The following MEIOB variants were observed in gnomAD, a reference collection of about 807,000 sequenced individuals.
MEIOB encodes the protein meiosis-specific with OB domain-containing protein.
A neutral mutation model predicts 53.1 loss-of-function variants in MEIOB; 50 were observed. The ratio of observed to expected loss-of-function variants is 0.94; its 90% confidence interval spans 0.75 to 1.19. The LOEUF is 1.19. MEIOB is among the 50% of genes most tolerant of loss of function. The pLI is 0.00. For missense variants in MEIOB, 551 were observed against 550.8 expected, an observed-to-expected ratio of 1.00 and a Z score of 0.00; for synonymous variants, 192 against 182.5, an observed-to-expected ratio of 1.05 and a Z score of -0.42.
At chr16:1,842,237 A>T (rs1442361344) in intron 10 of MEIOB, among the ~76,000 whole-genome samples, 1 of 152,182 alleles carries the variant, frequency 6.6e-6, no homozygotes, top group Non-Finnish European at 1.5e-5. Context: ...GGCAAGCCAC[A>T]GAGTGGGAGA....
intron 9 of MEIOB, among the ~76,000 whole-genome samples, chr16:1,850,482 A>C (rs1339677557): frequency 6.6e-6 from 1 of 152,118 alleles, no homozygotes; most frequent in South Asian, 2.1e-4. Context: ...AGGCTGGAAC[A>C]GGAGAATCGC....
chr16:1,865,947 G>A (rs1489537823), intron 2 of MEIOB, 112 bp from the exon 3 acceptor site: 1 of 672,136 alleles, frequency 1.5e-6, no homozygotes, highest in African/African-American at 1.8e-5. Context: ...TTCTGACTAG[G>A]AACCATTTAA....
At chr16:1,865,945 A>G in intron 2 of MEIOB, 110 bp from the exon 3 acceptor site, 1 of 681,846 alleles carries the variant, frequency 1.5e-6, no homozygotes, top group East Asian at 2.8e-5. Context: ...ATTTCTGACT[A>G]GGAACCATTT....
At chr16:1,838,546 G>A (rs542543822) in intron 12 of MEIOB, among the ~76,000 whole-genome samples, 9 of 152,252 alleles carry the variant, frequency 5.9e-5, no homozygotes, top group East Asian at 1.9e-4. Context: ...AGGAGAAAAC[G>A]TGTAGCTGAC....
chr16:1,859,538 C>T (rs552866343), intron 5 of MEIOB, among the ~76,000 whole-genome samples: 11 of 152,134 alleles, frequency 7.2e-5, no homozygotes, highest in African/African-American at 2.7e-4. Context: ...GGGACTCTGT[C>T]TCAGTAAAAA....
chr16:1,856,757 GC>G lies in MEIOB; in HGVS notation c.528+977del, dbSNP rs1192943550. On this transcript the variant is annotated intron_variant, in intron 6 of 13. Transcript: ENST00000325962. ...TTACAGGCATGAGCCACCACGCCAG[GC>G]CTTTTTTTTTTTTTTTTTTTTTTGA... Among the ~76,000 whole-genome samples the G allele has an allele frequency of 6.2e-5, 7 of 113,608 alleles. 1 individual carries two copies. The highest frequency in any genetic ancestry group is 2.2e-4 in the Admixed American group (2 of 9,266). 74.5% of individuals were successfully genotyped at this position (113,608 alleles called of 152,430 possible). A position where few individuals can be genotyped will look rare whatever the true frequency, so the allele number is the denominator to read the frequency against.
chr16:1,869,446 C>G (rs532042693), intron 1 of MEIOB, among the ~76,000 whole-genome samples: 1 of 151,412 alleles, frequency 6.6e-6, no homozygotes, highest in South Asian at 2.1e-4. Flanking sequence ...CAAGATGATT[C>G]AATAGGACAT....
At chr16:1,844,410 TA>T (rs1220497189) in intron 10 of MEIOB, among the ~76,000 whole-genome samples, 1 of 151,694 alleles carries the variant, frequency 6.6e-6, no homozygotes, top group African/African-American at 2.4e-5. Context: ...AGGCGTGAGC[TA>T]CCACACCTGG....
At position 1,863,529 on chromosome 16, in the gene MEIOB, G is replaced by A. The variant is rs978030190; in HGVS notation, c.128-1413C>T. On this transcript the variant is annotated intron_variant, in intron 3 of 13. Coordinates refer to ENST00000325962, the MANE Select transcript of MEIOB (RefSeq NM_001163560.3). ...ACCCTCCCAAGTAGCTGGGACTACAGGCGCCTGCCACCATGCCTGGCTAAT... is the reference window on the plus strand; with the variant it reads ...ACCCTCCCAAGTAGCTGGGACTACAAGCGCCTGCCACCATGCCTGGCTAAT... Among the ~76,000 whole-genome samples the A allele has an allele frequency of 2.5e-4, 38 of 151,916 alleles. 1 individual carries two copies. Among genetic ancestry groups the A allele is most frequent in the Non-Finnish European group, 1.5e-4 (10 of 67,976 alleles).
At chr16:1,859,496 G>A (rs545985423) in intron 5 of MEIOB, among the ~76,000 whole-genome samples, 26 of 152,260 alleles carry the variant, frequency 1.7e-4, no homozygotes, top group African/African-American at 4.6e-4. Context: ...AGCCGAGATC[G>A]TGCCACTGCA....
intron 9 of MEIOB, among the ~76,000 whole-genome samples, chr16:1,852,546 C>A (rs1899199464): frequency 6.6e-6 from 1 of 151,326 alleles, no homozygotes. Context: ...CAGGTGTGAG[C>A]CACCGCGCCA....
intron 3 of MEIOB, among the ~76,000 whole-genome samples, chr16:1,865,032 T>G (rs1899548667): frequency 6.6e-6 from 1 of 152,172 alleles, no homozygotes; most frequent in African/African-American, 2.4e-5. Context: ...GCCTGTAATC[T>G]GATCACTCTA....
chr16:1,862,677 T>C (rs895064681), intron 3 of MEIOB, among the ~76,000 whole-genome samples: 2 of 151,858 alleles, frequency 1.3e-5, no homozygotes, highest in Non-Finnish European at 2.9e-5. Context: ...TCCTAACACT[T>C]TGGGAGCCCG....
chr16:1,854,153 CT>C lies in MEIOB; in HGVS notation c.575del (p.Gln192ArgfsTer17). The C allele has an allele frequency of 6.4e-7, 1 of 1,551,194 alleles. No homozygotes were observed. Among genetic ancestry groups the C allele is most frequent in the Non-Finnish European group, 8.7e-7 (1 of 1,146,742 alleles). On this transcript the variant is annotated frameshift_variant, in exon 7 of 14. Coordinates refer to ENST00000325962, the MANE Select transcript of MEIOB (RefSeq NM_001163560.3). LOFTEE classifies it high-confidence loss of function. ...CATCATAGAGTCTAACTTCACACCT[CT>C]GGCCTTTTCTCCGGTCTGAAGTTGT... ...YFTTSDRRKG[Q>X]RCEVRLYDET...
At chr16:1,852,888 T>C (rs1617255) in intron 9 of MEIOB, 151 bp downstream of exon 9, 476,917 of 575,030 alleles carry the variant, frequency 0.83, 198,181 homozygotes, top group Middle Eastern at 0.88. Flanking sequence ...TCAAAGTTCA[T>C]TGTAAGTTTT....
At chr16:1,868,304 C>T in intron 1 of MEIOB, 120 bp from the exon 2 acceptor site, 1 of 506,494 alleles carries the variant, frequency 2.0e-6, no homozygotes. Flanking sequence ...TACCTGTAAT[C>T]CCAGCACTTT....
In MEIOB at chr16:1,853,267, C is replaced by T. The variant is rs62617828; in HGVS notation, c.634G>A (p.Asp212Asn). The change falls in exon 8 of 14, where the codon GAT becomes AAT. Residue 212 changes from aspartate to asparagine, a missense_variant. Transcript: ENST00000325962. ...TESSFAMTCW[D>N]NESILLAQSW... Reference sequence around the variant, plus strand: ...TGTGCAAGTAGAATGGATTCATTATCCCAACTGCATTTGTTTAAAAAGAAG... The same window carrying T: ...TGTGCAAGTAGAATGGATTCATTATTCCAACTGCATTTGTTTAAAAAGAAG... 17,610 of 1,547,254 alleles carry T rather than the reference C, an allele frequency of 0.011. 144 individuals are homozygous for T. The highest frequency in any genetic ancestry group is 0.014 in the Non-Finnish European group (15,745 of 1,142,712).
Position 1,854,232 on chromosome 16 carries a change from C to A in MEIOB, c.529-32G>T, listed in dbSNP as rs192027451. On this transcript the variant is annotated intron_variant, in intron 6 of 13. Transcript: ENST00000325962. ...AATGGAAATAAATCATTACTCTTCA[C>A]CTATATGTAGAAGTTCTTAAGTATT... The A allele has an allele frequency of 2.6e-4, 337 of 1,289,330 alleles. 1 individual carries two copies. The East Asian group carries it at 7.4e-3, about 28-fold the overall frequency. The allele number at this position is 1,289,330 out of a possible 1,614,324, so 79.9% of individuals were successfully genotyped here. A position where few individuals can be genotyped will look rare whatever the true frequency, so the allele number is the denominator to read the frequency against.
At chr16:1,856,460 C>T (rs1188070407) in intron 6 of MEIOB, among the ~76,000 whole-genome samples, 2 of 152,080 alleles carry the variant, frequency 1.3e-5, no homozygotes, top group African/African-American at 4.8e-5. Flanking sequence ...GCTGGGACTA[C>T]AGGCGCCCAC....
Sources: gnomAD v4.1 joint callset for allele counts (sites outside exome capture counted in the v4.1 genomes callset) on GRCh38, gnomAD v4.1.1 for gene constraint, MANE v1.5 for transcripts, NCBI Gene and HGNC (gene_info 2026-07-23, HGNC 2026-07-21) for gene names.